The following GLIS3 variants were observed in gnomAD, a reference collection of about 807,000 sequenced individuals.
GLIS3 encodes zinc finger protein GLIS3.
Under a neutral mutation model 78.6 loss-of-function variants are expected in GLIS3, and 53 were observed. The ratio of observed to expected loss-of-function variants is 0.67; its 90% confidence interval spans 0.54 to 0.85. The LOEUF (loss-of-function observed/expected upper bound fraction) is 0.85, where lower values mean the gene tolerates loss of function less well. GLIS3 is among the 40% of genes least tolerant of loss of function. The probability of loss-of-function intolerance (pLI) is 0.00; values close to 1 mark genes in which losing one functional copy is unlikely to be tolerated. For missense variants in GLIS3, 1,703 were observed against 1,231.1 expected (o/e 1.38, Z -5.74); for synonymous variants, 684 against 509.9 (o/e 1.34, Z -4.60).
In GLIS3 at chr9:4,051,086, C is replaced by G. The variant is rs115810388; in HGVS notation, c.1710+66682G>C. ...CTGAAAGCATCCATTGATAAGCTCC[C>G]GTGAGGCCTAAAATTCTCCTTGTTC... On this transcript the variant is annotated intron_variant, in intron 4 of 10. Coordinates refer to ENST00000381971, the MANE Select transcript of GLIS3 (RefSeq NM_001042413.2). Among the ~76,000 whole-genome samples, 565 of 152,318 alleles carry G rather than the reference C, an allele frequency of 3.7e-3. 6 individuals are homozygous for G. Among genetic ancestry groups the G allele is most frequent in the African/African-American group, 0.012 (511 of 41,580 alleles).
chr9:4,400,170 G>A, the GLIS3 span, among the ~76,000 whole-genome samples: 8 of 152,140 alleles, frequency 5.3e-5, no homozygotes, highest in East Asian at 1.9e-4. Context: ...TTCCCCTATC[G>A]CTTCTCGGCC....
At chr9:3,855,863 C>G (rs1056011356) in intron 9 of GLIS3, 146 bp downstream of exon 9, 13 of 855,916 alleles carry the variant, frequency 1.5e-5, no homozygotes, top group Non-Finnish European at 2.4e-5. Flanking sequence ...TCATGCCTAT[C>G]AAGTGTGAAA....
the GLIS3 span, among the ~76,000 whole-genome samples, chr9:4,353,495 A>G: frequency 6.6e-6 from 1 of 152,200 alleles, no homozygotes; most frequent in Non-Finnish European, 1.5e-5. Flanking sequence ...CCCAGCCAAG[A>G]AATGAGTAAG....
At chr9:4,283,426 C>G (rs968724264) in intron 2 of GLIS3, among the ~76,000 whole-genome samples, 2 of 152,020 alleles carry the variant, frequency 1.3e-5, no homozygotes, top group Non-Finnish European at 2.9e-5. Flanking sequence ...CCACCACACC[C>G]GGCTCATTTT....
chr9:3,950,511 C>T (rs535961754), intron 4 of GLIS3, among the ~76,000 whole-genome samples: 4 of 152,350 alleles, frequency 2.6e-5, no homozygotes, highest in Admixed American at 1.3e-4. Context: ...GGGCACCATG[C>T]CCCTTCCCAC....
chr9:4,213,071 A>G (rs1820515492), intron 2 of GLIS3, among the ~76,000 whole-genome samples: 1 of 152,218 alleles, frequency 6.6e-6, no homozygotes, highest in East Asian at 1.9e-4. Context: ...CCTTATGAGA[A>G]GTGGCTTGCT....
chr9:4,337,920 C>G (rs1018009740), intron 2 of GLIS3, among the ~76,000 whole-genome samples: 1 of 151,810 alleles, frequency 6.6e-6, no homozygotes, highest in Non-Finnish European at 1.5e-5. Context: ...AATATTTGCC[C>G]CAAACCACAC....
chr9:4,230,890 C>G (rs540170313), intron 2 of GLIS3, among the ~76,000 whole-genome samples: 14 of 152,224 alleles, frequency 9.2e-5, no homozygotes, highest in African/African-American at 2.6e-4. Flanking sequence ...TTTCATAGAA[C>G]AGTCATACAA....
chr9:3,996,699 AAC>A (rs1260025665), intron 4 of GLIS3, among the ~76,000 whole-genome samples: 2 of 152,158 alleles, frequency 1.3e-5, no homozygotes, highest in African/African-American at 2.4e-5. Context: ...AAATTAACAA[AAC>A]TGAAAACAAA....
At chr9:4,356,857 A>C in the GLIS3 span, among the ~76,000 whole-genome samples, 1,178 of 152,348 alleles carry the variant, frequency 7.7e-3, 17 homozygotes, top group African/African-American at 0.027. Flanking sequence ...GCAAGATTAC[A>C]CATGTAAAAA....
chr9:4,044,773 G>A (rs1340721447), intron 4 of GLIS3, among the ~76,000 whole-genome samples: 1 of 152,174 alleles, frequency 6.6e-6, no homozygotes, highest in African/African-American at 2.4e-5. Context: ...GAAAAGAAAA[G>A]CAAAAACCTG....
the GLIS3 span, among the ~76,000 whole-genome samples, chr9:4,451,952 C>T: frequency 6.7e-6 from 1 of 149,934 alleles, no homozygotes; most frequent in Admixed American, 6.6e-5. Context: ...AATCCAGCAG[C>T]ACATCAAAAA....
At chr9:4,472,775 TGTC>T in the GLIS3 span, among the ~76,000 whole-genome samples, 25 of 152,034 alleles carry the variant, frequency 1.6e-4, no homozygotes, top group African/African-American at 5.3e-4. Context: ...GAACTAAAAT[TGTC>T]GTCATTTACA....
intron 4 of GLIS3, among the ~76,000 whole-genome samples, chr9:3,967,325 G>A (rs888256701): frequency 6.6e-6 from 1 of 152,114 alleles, no homozygotes; most frequent in Admixed American, 6.6e-5. Flanking sequence ...CTAACATGGT[G>A]AAACCCTGTC....
chr9:4,253,295 T>C (rs1187682575), intron 2 of GLIS3, among the ~76,000 whole-genome samples: 1 of 152,166 alleles, frequency 6.6e-6, no homozygotes, highest in Non-Finnish European at 1.5e-5. Flanking sequence ...CTGCCTTTCT[T>C]TAGAGATACC....
intron 6 of GLIS3, among the ~76,000 whole-genome samples, chr9:3,924,038 TGA>T (rs1473540106): frequency 6.6e-6 from 1 of 152,252 alleles, no homozygotes; most frequent in African/African-American, 2.4e-5. Flanking sequence ...CCATGGTCTA[TGA>T]GCCCCAAGTC....
At chr9:4,288,367 C>T (rs2068980) in intron 1 of GLIS3, among the ~76,000 whole-genome samples, 141,692 of 152,252 alleles carry the variant, frequency 0.93, 66,383 homozygotes, top group Non-Finnish European at 0.98. Context: ...ACATTGGCAA[C>T]TTTTTTAAAA....
chr9:3,915,103 G>A (rs1278460370), intron 6 of GLIS3, among the ~76,000 whole-genome samples: 1 of 152,170 alleles, frequency 6.6e-6, no homozygotes, highest in Non-Finnish European at 1.5e-5. Context: ...CTGGCTTGGA[G>A]AAGTGCCTCA....
At chr9:4,158,074 C>T (rs1214173623) in intron 2 of GLIS3, among the ~76,000 whole-genome samples, 1 of 152,150 alleles carries the variant, frequency 6.6e-6, no homozygotes, top group Non-Finnish European at 1.5e-5. Context: ...TGTAGTTTAA[C>T]ACACATGCCT....
Sources: allele counts gnomAD v4.1 joint callset (sites outside exome capture counted in the v4.1 genomes callset), GRCh38; gene constraint gnomAD v4.1.1; transcripts MANE v1.5; gene names NCBI Gene and HGNC (gene_info 2026-07-23, HGNC 2026-07-21).